CYP2C19: variants seen among roughly 807,000 people sequenced by gnomAD.
CYP2C19 encodes the protein cytochrome P450 2C19.
Under a neutral mutation model 40.9 loss-of-function variants are expected in CYP2C19, and 59 were observed. The ratio of observed to expected loss-of-function variants is 1.44; its 90% CI spans 1.17 to 1.79. The LOEUF is 1.79. Among genes scored for constraint, CYP2C19 ranks in the 40% most tolerant of loss-of-function variants. The pLI, the probability that CYP2C19 is intolerant of heterozygous loss-of-function variation, is 0.00. For synonymous variants in CYP2C19, 253 were observed against 208.7 expected, an observed-to-expected ratio of 1.21 and a Z score of -1.83; for missense variants, 754 against 596.9, an observed-to-expected ratio of 1.26 and a Z score of -2.74.
intron 6 of CYP2C19, among the ~76,000 whole-genome samples, chr10:94,831,564 G>A (rs956276192): frequency 6.6e-6 from 1 of 152,190 alleles, no homozygotes; most frequent in Non-Finnish European, 1.5e-5. Flanking sequence ...ACTAGCATTT[G>A]TTATTGCCTG....
chr10:94,792,120 G>A (rs1464802226), intron 5 of CYP2C19, among the ~76,000 whole-genome samples: 1 of 151,974 alleles, frequency 6.6e-6, no homozygotes, highest in South Asian at 2.1e-4. Context: ...TTATATATTG[G>A]CCTAGTTTGT....
At chr10:94,829,200 AACGTTG>A (rs1488660692) in intron 6 of CYP2C19, among the ~76,000 whole-genome samples, 1 of 152,084 alleles carries the variant, frequency 6.6e-6, no homozygotes, top group Non-Finnish European at 1.5e-5. Flanking sequence ...CCTGAATCTG[AACGTTG>A]GCCTGCCGTG....
chr10:94,808,905 A>C (rs1447897107), intron 5 of CYP2C19, among the ~76,000 whole-genome samples: 1 of 152,178 alleles, frequency 6.6e-6, no homozygotes, highest in African/African-American at 2.4e-5. Context: ...ATGGGAGTGT[A>C]GATATCTCTT....
chr10:94,849,854 C>T, intron 7 of CYP2C19, 63 bp from the exon 8 acceptor site: 1 of 1,583,706 alleles, frequency 6.3e-7, no homozygotes, highest in South Asian at 1.1e-5. Flanking sequence ...GCATGATTAC[C>T]ACTGTTTCTT....
chr10:94,824,456 G>A (rs1405126280), intron 6 of CYP2C19, among the ~76,000 whole-genome samples: 1 of 152,106 alleles, frequency 6.6e-6, no homozygotes, highest in Non-Finnish European at 1.5e-5. Context: ...GAAAGTGTGA[G>A]AATGAAGAGA....
intron 3 of CYP2C19, chr10:94,776,328 C>G (rs903157017): frequency 1.2e-4 from 18 of 151,986 alleles, no homozygotes; most frequent in Admixed American, 4.6e-4. Context: ...TTTTGCTTAT[C>G]TCTTTCCAAT....
chr10:94,835,703 T>A (rs74154109), intron 6 of CYP2C19, among the ~76,000 whole-genome samples: 1,846 of 152,250 alleles, frequency 0.012, 53 homozygotes, highest in African/African-American at 0.042. Flanking sequence ...CCTCGGAAGT[T>A]AGGAATTTCC....
chr10:94,845,620 T>G (rs912867126), intron 7 of CYP2C19, among the ~76,000 whole-genome samples: 4 of 152,188 alleles, frequency 2.6e-5, no homozygotes, highest in African/African-American at 9.6e-5. Flanking sequence ...TTTACATCAA[T>G]GACATGTTTC....
At chr10:94,827,846 A>G (rs952170469) in intron 6 of CYP2C19, among the ~76,000 whole-genome samples, 2 of 151,676 alleles carry the variant, frequency 1.3e-5, no homozygotes, top group Admixed American at 6.6e-5. Flanking sequence ...TGCATCCCAG[A>G]GATTCTGGTA....
intron 6 of CYP2C19, among the ~76,000 whole-genome samples, chr10:94,821,423 G>C (rs1017940936): frequency 6.6e-6 from 1 of 152,166 alleles, no homozygotes; most frequent in Non-Finnish European, 1.5e-5. Flanking sequence ...TAGAAATGTA[G>C]TGAGGCTGCC....
intron 5 of CYP2C19, among the ~76,000 whole-genome samples, chr10:94,793,681 G>A (rs1381115224): frequency 6.6e-6 from 1 of 152,088 alleles, no homozygotes; most frequent in Non-Finnish European, 1.5e-5. Flanking sequence ...AGCAAATATT[G>A]CAGAACAGCA....
intron 6 of CYP2C19, among the ~76,000 whole-genome samples, chr10:94,840,904 G>T (rs1176052942): frequency 6.6e-6 from 1 of 152,228 alleles, no homozygotes; most frequent in Non-Finnish European, 1.5e-5. Flanking sequence ...TGGCCGACAG[G>T]TGCCTGGTAT....
chr10:94,810,053 T>G (rs1045639673), intron 5 of CYP2C19, among the ~76,000 whole-genome samples: 13 of 152,156 alleles, frequency 8.5e-5, no homozygotes, highest in African/African-American at 3.1e-4. Context: ...GCTAATTTTT[T>G]GTATCTTTAG....
intron 5 of CYP2C19, among the ~76,000 whole-genome samples, chr10:94,817,874 G>A (rs1432474885): frequency 8.6e-5 from 13 of 151,594 alleles, no homozygotes; most frequent in Admixed American, 2.0e-4. Context: ...TTAGCCGGGC[G>A]TAGTGGCGGG....
chr10:94,806,708 T>C (rs903169734), intron 5 of CYP2C19, among the ~76,000 whole-genome samples: 4 of 148,356 alleles, frequency 2.7e-5, no homozygotes, highest in Non-Finnish European at 6.0e-5. Flanking sequence ...TTATATTATA[T>C]AACATATATA....
At chr10:94,803,964 C>T (rs560905549) in intron 5 of CYP2C19, among the ~76,000 whole-genome samples, 1 of 152,228 alleles carries the variant, frequency 6.6e-6, no homozygotes, top group South Asian at 2.1e-4. Flanking sequence ...AGTGGGGTGG[C>T]TCAGGGTGCT....
intron 6 of CYP2C19, among the ~76,000 whole-genome samples, chr10:94,829,072 C>A (rs1221767178): frequency 6.6e-6 from 1 of 152,142 alleles, no homozygotes; most frequent in Non-Finnish European, 1.5e-5. Context: ...GGTAACCCGA[C>A]CTTTCTCTCT....
chr10:94,775,440 C>G lies in CYP2C19; in HGVS notation c.382C>G (p.Leu128Val). 6.2e-7 allele frequency: 1 copy of G among 1,614,044 alleles called. No individual in the cohort carries two copies. The highest frequency in any genetic ancestry group is 8.5e-7 in the Non-Finnish European group (1 of 1,180,008). The change falls in exon 3 of 9, where the codon CTC (leucine) becomes GTC (valine). Residue 128 changes from leucine to valine, a missense_variant. By Grantham distance (32) the Leu-to-Val change is conservative. Coordinates refer to ENST00000371321, the MANE Select transcript of CYP2C19 (RefSeq NM_000769.4). ...KRWKEIRRFSLMTLRNFGMGK... is the reference protein window; with the variant it reads ...KRWKEIRRFSVMTLRNFGMGK... ...ATGGAAGGAGATCCGGCGTTTCTCC[C>G]TCATGACGCTGCGGAATTTTGGGAT... is the stretch of plus-strand genomic sequence containing the variant.
intron 5 of CYP2C19, among the ~76,000 whole-genome samples, chr10:94,810,076 T>G (rs1033750736): frequency 3.9e-5 from 6 of 152,120 alleles, no homozygotes; most frequent in African/African-American, 1.2e-4. Context: ...GAGACTGAGT[T>G]TCACCATGTT....
Sources: allele counts gnomAD v4.1 joint callset (sites outside exome capture counted in the v4.1 genomes callset), GRCh38; gene constraint gnomAD v4.1.1; transcripts MANE v1.5; gene names NCBI Gene and HGNC (gene_info 2026-07-23, HGNC 2026-07-21).